GALNTL6: variants seen among roughly 807,000 people sequenced by gnomAD.
GALNTL6 encodes polypeptide N-acetylgalactosaminyltransferase like 6.
A neutral mutation model predicts 73.7 loss-of-function variants in GALNTL6; 46 were observed. The observed-to-expected ratio is 0.62, with a 90% CI of 0.49 to 0.80. GALNTL6 has a LOEUF of 0.80. Ranked by LOEUF, GALNTL6 falls within the 30% of genes least tolerant of loss-of-function variation. The probability of loss-of-function intolerance (pLI) is 0.00; values close to 1 mark genes in which losing one functional copy is unlikely to be tolerated. For missense variants in GALNTL6, 604 were observed against 755.0 expected, an observed-to-expected ratio of 0.80 and a Z score of 2.34; for synonymous variants, 259 against 263.7, an observed-to-expected ratio of 0.98 and a Z score of 0.17.
At chr4:172,474,785 C>T (rs1733175042) in intron 5 of GALNTL6, among the ~76,000 whole-genome samples, 1 of 152,016 alleles carries the variant, frequency 6.6e-6, no homozygotes, top group Non-Finnish European at 1.5e-5. Flanking sequence ...AAGTTTTTCT[C>T]TTGGGTCATT....
intron 2 of GALNTL6, among the ~76,000 whole-genome samples, chr4:171,991,428 G>C (rs902181394): frequency 2.6e-5 from 4 of 151,912 alleles, no homozygotes; most frequent in African/African-American, 9.7e-5. Flanking sequence ...AACTTAATTT[G>C]AAGTGTCGTT....
chr4:172,762,130 A>C (rs978606542), intron 5 of GALNTL6, among the ~76,000 whole-genome samples: 1 of 152,246 alleles, frequency 6.6e-6, no homozygotes, highest in Non-Finnish European at 1.5e-5. Context: ...AAATCTGCAT[A>C]CCATGTCAAA....
At chr4:172,521,019 GA>G (rs1389939492) in intron 5 of GALNTL6, among the ~76,000 whole-genome samples, 1 of 151,882 alleles carries the variant, frequency 6.6e-6, no homozygotes, top group East Asian at 1.9e-4. Context: ...GAGTTTAGAG[GA>G]AAAAGTGAAA....
chr4:172,930,798 G>A (rs143591980), intron 8 of GALNTL6, among the ~76,000 whole-genome samples: 1 of 152,102 alleles, frequency 6.6e-6, no homozygotes, highest in African/African-American at 2.4e-5. Flanking sequence ...CCAAGTAGCT[G>A]GGACTGAAGG....
intron 8 of GALNTL6, among the ~76,000 whole-genome samples, chr4:172,920,676 AG>A (rs1420010069): frequency 6.6e-6 from 1 of 152,232 alleles, no homozygotes; most frequent in Non-Finnish European, 1.5e-5. Context: ...AGCTCAAAAA[AG>A]CTTATTCCCT....
chr4:172,031,658 T>C (rs1216262141), intron 2 of GALNTL6, among the ~76,000 whole-genome samples: 1 of 152,014 alleles, frequency 6.6e-6, no homozygotes, highest in Non-Finnish European at 1.5e-5. Flanking sequence ...TTGCACTATC[T>C]CTGCCATTCG....
At chr4:172,197,212 C>T (rs1735802092) in intron 2 of GALNTL6, among the ~76,000 whole-genome samples, 1 of 151,996 alleles carries the variant, frequency 6.6e-6, no homozygotes, top group Non-Finnish European at 1.5e-5. Context: ...GAATAAAATA[C>T]CTAAGAATGC....
At chr4:172,430,103 C>A (rs1027231994) in intron 5 of GALNTL6, among the ~76,000 whole-genome samples, 69 of 151,434 alleles carry the variant, frequency 4.6e-4, no homozygotes, top group African/African-American at 1.6e-3. Context: ...ATATATATAT[C>A]TGTGAAGTGA....
chr4:172,404,976 C>T (rs372166735), intron 5 of GALNTL6, among the ~76,000 whole-genome samples: 1 of 152,024 alleles, frequency 6.6e-6, no homozygotes, highest in Non-Finnish European at 1.5e-5. Context: ...GGAAAATGCC[C>T]AAGCAGGGCT....
intron 5 of GALNTL6, among the ~76,000 whole-genome samples, chr4:172,450,008 G>C (rs2877713): frequency 0.63 from 95,694 of 151,836 alleles, 31,152 homozygotes; most frequent in South Asian, 0.82. Flanking sequence ...ACCTGAGGCT[G>C]GGAGTATGAG....
At chr4:172,846,661 C>G (rs1743525982) in intron 7 of GALNTL6, among the ~76,000 whole-genome samples, 1 of 152,102 alleles carries the variant, frequency 6.6e-6, no homozygotes, top group African/African-American at 2.4e-5. Context: ...ATGAGTGGAC[C>G]TCAGCAATGA....
At chr4:172,898,325 C>T (rs927591117) in intron 8 of GALNTL6, among the ~76,000 whole-genome samples, 11 of 123,628 alleles carry the variant, frequency 8.9e-5, no homozygotes, top group South Asian at 2.7e-4. Context: ...CACACACACA[C>T]GTATAAGATA....
intron 5 of GALNTL6, among the ~76,000 whole-genome samples, chr4:172,756,407 G>T (rs1272683672): frequency 1.3e-5 from 2 of 151,250 alleles, no homozygotes; most frequent in African/African-American, 4.9e-5. Context: ...ATTTTAGGAG[G>T]CTGAGGCGGG....
chr4:172,789,097 C>T (rs914988475), intron 5 of GALNTL6, among the ~76,000 whole-genome samples: 2 of 152,122 alleles, frequency 1.3e-5, no homozygotes, highest in Non-Finnish European at 2.9e-5. Flanking sequence ...AATTCAATTC[C>T]GAACCTGTCT....
chr4:172,890,699 T>C (rs1434959386), intron 8 of GALNTL6, among the ~76,000 whole-genome samples: 2 of 152,210 alleles, frequency 1.3e-5, no homozygotes, highest in Non-Finnish European at 2.9e-5. Context: ...TGTAGATGTC[T>C]ACTTTGTCCA....
chr4:172,147,277 C>A (rs1285907217), intron 2 of GALNTL6, among the ~76,000 whole-genome samples: 1 of 152,102 alleles, frequency 6.6e-6, no homozygotes, highest in Non-Finnish European at 1.5e-5. Flanking sequence ...TTTTTGCAAG[C>A]AAAATTCCAG....
At chr4:172,735,382 C>T (rs1037649897) in intron 5 of GALNTL6, among the ~76,000 whole-genome samples, 14 of 152,144 alleles carry the variant, frequency 9.2e-5, no homozygotes, top group Non-Finnish European at 5.9e-5. Context: ...GGGCCTGTAA[C>T]CCCTTTGTTT....
At chr4:172,077,667 G>A (rs1468529637) in intron 2 of GALNTL6, among the ~76,000 whole-genome samples, 1 of 152,142 alleles carries the variant, frequency 6.6e-6, no homozygotes, top group Non-Finnish European at 1.5e-5. Flanking sequence ...CAGCATAAAA[G>A]TTTGGAAAAA....
In GALNTL6 at chr4:172,559,058, ATTTTTTTTTT is replaced by A. The variant is rs71592081; in HGVS notation, c.553+210386_553+210395del. Among the ~76,000 whole-genome samples, 7 of 77,386 alleles carry A rather than the reference ATTTTTTTTTT, an allele frequency of 9.0e-5. No individual in the cohort carries two copies. In the East Asian group the frequency reaches 2.3e-3, roughly 25 times the overall value. The allele number at this position is 77,386 out of a possible 152,430, so 50.8% of individuals were successfully genotyped here. A position where few individuals can be genotyped will look rare whatever the true frequency, so the allele number is the denominator to read the frequency against. ...GTAAGGATGATGATAATGATAATGGATTTTTTTTTTTTTTTTTTTTTTTTTTGAGACAGAG... is the reference window on the plus strand; with the variant it reads ...GTAAGGATGATGATAATGATAATGGATTTTTTTTTTTTTTTTGAGACAGAG... On this transcript the variant is annotated intron_variant, in intron 5 of 12. Transcript: ENST00000506823.
Sources: allele counts gnomAD v4.1 joint callset (sites outside exome capture counted in the v4.1 genomes callset), GRCh38; gene constraint gnomAD v4.1.1; transcripts MANE v1.5; gene names NCBI Gene and HGNC (gene_info 2026-07-23, HGNC 2026-07-21).